The following JCAD variants were observed in gnomAD, a reference collection of about 807,000 sequenced individuals.
The protein encoded by JCAD is junctional cadherin 5-associated protein.
In JCAD, 40 loss-of-function variants were observed where a neutral mutation model predicts 98.0. The ratio of observed to expected loss-of-function variants is 0.41; its 90% CI spans 0.32 to 0.53. The LOEUF (loss-of-function observed/expected upper bound fraction) is 0.53. Among genes scored for constraint, JCAD ranks in the 20% least tolerant of loss-of-function variants. The pLI is 0.31. For synonymous variants in JCAD, 691 were observed against 682.3 expected (o/e 1.01, Z -0.20); for missense variants, 1,705 against 1,738.1 (o/e 0.98, Z 0.34).
chr10:30,067,793 G>T (rs952891767), intron 2 of JCAD, among the ~76,000 whole-genome samples: 9 of 152,200 alleles, frequency 5.9e-5, no homozygotes, highest in Non-Finnish European at 5.9e-5. Flanking sequence ...GAATTGTGTT[G>T]TTAGGTGATT....
Position 30,027,194 on chromosome 10 carries a change from G to C in JCAD, c.2954C>G (p.Ala985Gly). The change falls in exon 3 of 4, where the codon GCA (alanine) becomes GGA (glycine). Residue 985 changes from alanine (A) to glycine (G), a missense_variant. Transcript: ENST00000375377. ...TGGATAGGACGCGGGCAGTGGTTTTGCGTCACTTGATCTTGAAGACATTCT... is the reference window on the plus strand; with the variant it reads ...TGGATAGGACGCGGGCAGTGGTTTTCCGTCACTTGATCTTGAAGACATTCT... ...VTRMSSRSSD[A>G]KPLPASYPAE... The C allele has an allele frequency of 6.2e-7, 1 of 1,614,180 alleles. No individual in the cohort carries two copies.
rs1442829665 is a variant in JCAD, at chr10:30,029,876, A to G, written c.282-10T>C. ...GGGTTGATTACAAAACCTACAAAACAAAGAGTCACAGACGTTAGGCACAGA... is the reference window on the plus strand; with the variant it reads ...GGGTTGATTACAAAACCTACAAAACGAAGAGTCACAGACGTTAGGCACAGA... On this transcript the variant is annotated splice_polypyrimidine_tract_variant and intron_variant, in intron 2 of 3. Coordinates refer to ENST00000375377, the MANE Select transcript of JCAD (RefSeq NM_020848.4). 1 of 1,610,286 alleles carries G rather than the reference A, an allele frequency of 6.2e-7. No individual in the cohort carries two copies. The highest frequency in any genetic ancestry group is 8.5e-7 in the Non-Finnish European group (1 of 1,178,042).
At chr10:30,107,502 C>T (rs542692844) in intron 1 of JCAD, among the ~76,000 whole-genome samples, 22 of 152,300 alleles carry the variant, frequency 1.4e-4, no homozygotes, top group African/African-American at 5.1e-4. Context: ...CTGGAAATTG[C>T]CCACCCCTTT....
intron 3 of JCAD, among the ~76,000 whole-genome samples, chr10:30,024,674 G>A (rs1836744174): frequency 6.7e-6 from 1 of 150,116 alleles, no homozygotes; most frequent in Non-Finnish European, 1.5e-5. Flanking sequence ...GGAAACTTGA[G>A]AGTGCCCATG....
rs1589697152 is a variant in JCAD, at chr10:30,055,174, C to T, written c.-60+4308G>A. 2.0e-5 allele frequency among the ~76,000 whole-genome samples: 3 copies of T among 152,156 alleles called. No homozygotes were observed. In the East Asian group the frequency reaches 5.8e-4, roughly 29 times the overall value. On this transcript the variant is annotated intron_variant, in intron 1 of 3. Coordinates refer to ENST00000375377, the MANE Select transcript of JCAD (RefSeq NM_020848.4). ...GAAGAAATCTAATACAAGGTTACAA[C>T]CAGCATTCTAAAAAGGTCTTAATTA...
intron 1 of JCAD, among the ~76,000 whole-genome samples, chr10:30,103,626 A>C (rs78361019): frequency 2.2e-5 from 2 of 91,368 alleles, no homozygotes; most frequent in Non-Finnish European, 3.0e-5. Context: ...ACACACACAC[A>C]CACACCCACA....
At chr10:30,033,625 C>T (rs1837048530) in intron 2 of JCAD, among the ~76,000 whole-genome samples, 1 of 152,148 alleles carries the variant, frequency 6.6e-6, no homozygotes, top group East Asian at 1.9e-4. Context: ...TCCCCATGTG[C>T]TTAGGTGTTA....
intron 2 of JCAD, among the ~76,000 whole-genome samples, chr10:30,039,876 A>G (rs1339011003): frequency 2.0e-5 from 3 of 152,346 alleles, no homozygotes; most frequent in African/African-American, 7.2e-5. Context: ...TCTGTACTGC[A>G]GGGACGGACT....
chr10:30,047,364 G>A (rs532486924), intron 2 of JCAD, among the ~76,000 whole-genome samples, 168 bp downstream of exon 2: 22 of 152,300 alleles, frequency 1.4e-4, no homozygotes, highest in African/African-American at 2.6e-4. Flanking sequence ...GCAAGACTCC[G>A]TCTCAAAAAC....
chr10:30,065,174 G>A (rs777065185), intron 2 of JCAD, among the ~76,000 whole-genome samples: 8 of 152,040 alleles, frequency 5.3e-5, no homozygotes, highest in African/African-American at 1.9e-4. Context: ...AATAAGACCC[G>A]GCATTTGATA....
intron 1 of JCAD, among the ~76,000 whole-genome samples, chr10:30,105,052 T>C (rs151147492): frequency 5.3e-5 from 8 of 152,312 alleles, no homozygotes; most frequent in African/African-American, 1.9e-4. Flanking sequence ...GTTTGAAAGC[T>C]TGAGTTACTT....
At chr10:30,021,390 G>C (rs777376521) in intron 3 of JCAD, among the ~76,000 whole-genome samples, 1 of 152,038 alleles carries the variant, frequency 6.6e-6, no homozygotes, top group African/African-American at 2.4e-5. Flanking sequence ...GTAGAGATGG[G>C]GGTCTCGCTA....
intron 2 of JCAD, among the ~76,000 whole-genome samples, chr10:30,067,342 C>T (rs1837801748): frequency 6.6e-6 from 1 of 151,440 alleles, no homozygotes; most frequent in African/African-American, 2.4e-5. Flanking sequence ...TTTTTTGAGA[C>T]AGGGACTTGC....
chr10:30,029,952 G>A (rs1483308756), intron 2 of JCAD, 86 bp from the exon 3 acceptor site: 2 of 1,428,702 alleles, frequency 1.4e-6, no homozygotes, highest in Non-Finnish European at 1.9e-6. Context: ...GTCAAACTCA[G>A]GTCAGCAACT....
At chr10:30,061,217 T>C (rs1368763039), upstream of JCAD, among the ~76,000 whole-genome samples, 1 of 152,180 alleles carries the variant, frequency 6.6e-6, no homozygotes, top group Non-Finnish European at 1.5e-5. Context: ...GATGATGCCT[T>C]CTTATCACTT....
chr10:30,106,817 G>A (rs1467730716), intron 1 of JCAD, among the ~76,000 whole-genome samples: 20 of 152,128 alleles, frequency 1.3e-4, no homozygotes, highest in Non-Finnish European at 2.6e-4. Context: ...AGTTCTTTGA[G>A]CTTAAATGCC....
chr10:30,036,340 T>C (rs1837108517), intron 2 of JCAD, among the ~76,000 whole-genome samples: 1 of 152,066 alleles, frequency 6.6e-6, no homozygotes, highest in African/African-American at 2.4e-5. Context: ...TCCCAGCTAC[T>C]TGGGAAACCG....
At chr10:30,068,392 A>G (rs1460152786) in intron 2 of JCAD, among the ~76,000 whole-genome samples, 1 of 131,022 alleles carries the variant, frequency 7.6e-6, no homozygotes, top group Non-Finnish European at 1.6e-5. Context: ...CTCTGTCTCA[A>G]AAAAAAAAAA....
intron 1 of JCAD, among the ~76,000 whole-genome samples, chr10:30,084,223 G>A (rs1041221064): frequency 1.3e-5 from 2 of 151,188 alleles, no homozygotes; most frequent in Non-Finnish European, 2.9e-5. Flanking sequence ...AAGGAAGGAA[G>A]AAAGGAAGAA....
Sources: allele counts gnomAD v4.1 joint callset (sites outside exome capture counted in the v4.1 genomes callset), GRCh38; gene constraint gnomAD v4.1.1; transcripts MANE v1.5; gene names NCBI Gene and HGNC (gene_info 2026-07-23, HGNC 2026-07-21).